Variants in GLG1 observed in about 807,000 individuals in gnomAD.
The protein encoded by GLG1 is golgi glycoprotein 1, also known as Golgi apparatus protein 1.
In GLG1, 38 loss-of-function variants were observed where a neutral mutation model predicts 160.5. That is an observed-to-expected ratio of 0.24 (90% CI 0.18 to 0.31). The LOEUF (loss-of-function observed/expected upper bound fraction) is 0.31. GLG1 is among the 10% of genes least tolerant of loss of function. GLG1 has a pLI of 1.00. For missense variants in GLG1, 1,373 were observed against 1,505.2 expected, an observed-to-expected ratio of 0.91 and a Z score of 1.45; for synonymous variants, 644 against 543.4, an observed-to-expected ratio of 1.19 and a Z score of -2.57.
intron 3 of GLG1, among the ~76,000 whole-genome samples, chr16:74,506,949 A>G (rs1174282025): frequency 6.6e-5 from 10 of 152,148 alleles, no homozygotes; most frequent in Non-Finnish European, 1.5e-4. Context: ...CAGTCACTCT[A>G]TTTTTTGACT....
intron 1 of GLG1, among the ~76,000 whole-genome samples, chr16:74,545,604 ATTTAGG>A (rs1251052484): frequency 6.6e-6 from 1 of 152,186 alleles, no homozygotes; most frequent in Non-Finnish European, 1.5e-5. Context: ...TTTGAATTTC[ATTTAGG>A]TTTTTGTTTC....
At chr16:74,472,198 C>A (rs1052203762) in intron 14 of GLG1, 151 bp downstream of exon 14, 1 of 612,618 alleles carries the variant, frequency 1.6e-6, no homozygotes, top group South Asian at 2.2e-5. Flanking sequence ...CCACACCCGG[C>A]CTGTTTACAT....
chr16:74,472,093 A>C (rs759946836), intron 14 of GLG1, among the ~76,000 whole-genome samples: 1 of 152,070 alleles, frequency 6.6e-6, no homozygotes, highest in Non-Finnish European at 1.5e-5. Context: ...TTTTGTAGAG[A>C]CAGAGTTTTG....
At chr16:74,500,000 C>T (rs2016349406) in intron 4 of GLG1, among the ~76,000 whole-genome samples, 1 of 152,122 alleles carries the variant, frequency 6.6e-6, no homozygotes. Context: ...GAGACTCCGT[C>T]TCAACAACAA....
chr16:74,600,556 AC>A (rs1958418010), intron 1 of GLG1, among the ~76,000 whole-genome samples: 2 of 151,312 alleles, frequency 1.3e-5, no homozygotes, highest in Non-Finnish European at 2.9e-5. Context: ...GTGTGGCGAA[AC>A]CCCCGTTTTA....
intron 4 of GLG1, among the ~76,000 whole-genome samples, chr16:74,498,385 T>C (rs1265128687): frequency 1.4e-4 from 19 of 132,166 alleles, no homozygotes; most frequent in South Asian, 7.6e-4. Flanking sequence ...GGAGCCGAGA[T>C]TGCACCACTG....
intron 10 of GLG1, among the ~76,000 whole-genome samples, chr16:74,482,447 G>A (rs1454787802): frequency 6.6e-6 from 1 of 152,146 alleles, no homozygotes. Context: ...GCGGAAAGAG[G>A]AGGGGAATGA....
chr16:74,532,158 A>G lies in GLG1; in HGVS notation c.439-5T>C, dbSNP rs192367831. 5.8e-4 allele frequency: 756 copies of G among 1,310,768 alleles called. 4 individuals are homozygous for G. The highest frequency in any genetic ancestry group is 3.7e-3 in the Middle Eastern group (19 of 5,148). 81.2% of individuals were successfully genotyped at this position (1,310,768 alleles called of 1,614,324 possible). On this transcript the variant is annotated splice_polypyrimidine_tract_variant and splice_region_variant and intron_variant, in intron 1 of 25. Transcript: ENST00000422840. ...TGAAGAAATTTCATTTTCAGGCTAG[A>G]AGAGAAAAAAAAGAAGAGATGATGT...
At chr16:74,500,272 T>A (rs948689728) in intron 4 of GLG1, among the ~76,000 whole-genome samples, 2 of 152,168 alleles carry the variant, frequency 1.3e-5, no homozygotes, top group African/African-American at 2.4e-5. Flanking sequence ...TTTAAAAAGT[T>A]ATTAATACAC....
intron 2 of GLG1, among the ~76,000 whole-genome samples, chr16:74,519,607 C>T (rs2017096544): frequency 1.3e-5 from 2 of 149,628 alleles, no homozygotes; most frequent in South Asian, 4.3e-4. Context: ...GTTTAATCTA[C>T]TTCCTCTTTT....
At chr16:74,501,110 G>T (rs1289872132) in intron 4 of GLG1, among the ~76,000 whole-genome samples, 2 of 152,314 alleles carry the variant, frequency 1.3e-5, no homozygotes, top group African/African-American at 2.4e-5. Flanking sequence ...AAGCTGCTTT[G>T]TTAATTTTCA....
intron 4 of GLG1, among the ~76,000 whole-genome samples, chr16:74,499,844 A>C (rs2016343116): frequency 6.6e-6 from 1 of 152,178 alleles, no homozygotes; most frequent in Admixed American, 6.5e-5. Flanking sequence ...TCTACTAAAA[A>C]TACAAAAAAT....
At position 74,452,371 on chromosome 16, in the gene GLG1, G is replaced by A. The variant is rs1187298240; in HGVS notation, c.*796C>T. The A allele has an allele frequency of 7.5e-7, 1 of 1,340,254 alleles. No homozygotes were observed. The highest frequency in any genetic ancestry group is 9.6e-7 in the Non-Finnish European group (1 of 1,040,126). 83.0% of individuals were successfully genotyped at this position (1,340,254 alleles called of 1,614,324 possible). On this transcript the variant is annotated 3_prime_UTR_variant, in exon 26 of 26. Transcript: ENST00000422840. ...GGGACTCAGGATCCAGCCTCTCAGT[G>A]CAGATGGATGGACTGTTCAACTTCA...
intron 1 of GLG1, among the ~76,000 whole-genome samples, chr16:74,568,511 G>A (rs1172441018): frequency 6.6e-6 from 1 of 150,850 alleles, no homozygotes; most frequent in Admixed American, 6.6e-5. Flanking sequence ...TCCGCCTCCC[G>A]GGTTCAAGCG....
In GLG1 at chr16:74,606,874, T is replaced by G. The variant is rs1389259156; in HGVS notation, c.221A>C (p.Gln74Pro). Residue 74 changes from glutamine (Q) to proline (P), a missense_variant, in exon 1 of 26, where the codon CAG (glutamine) becomes CCG (proline). Gln to Pro is a moderately conservative substitution (Grantham distance 76). Transcript: ENST00000422840. ...TTGCTGTTGCTGCTGCTGCTGTTGC[T>G]GCTGAAGCTGCGATGACTGAGGCAG... ...PQLPQSSQLQ[Q>P]QQQQQQQQQQ... 1.2e-6 allele frequency: 2 copies of G among 1,600,774 alleles called. No individual in the cohort carries two copies.
chr16:74,518,610 T>A (rs921973789), intron 2 of GLG1, among the ~76,000 whole-genome samples: 2 of 152,140 alleles, frequency 1.3e-5, no homozygotes, highest in African/African-American at 4.8e-5. Context: ...GAAGAAAACC[T>A]GGGCTGTATT....
At chr16:74,504,823 T>G (rs577155448) in intron 3 of GLG1, among the ~76,000 whole-genome samples, 2 of 152,196 alleles carry the variant, frequency 1.3e-5, no homozygotes, top group South Asian at 4.1e-4. Context: ...CATGGTGGTG[T>G]TCCTGCAAAG....
intron 9 of GLG1, among the ~76,000 whole-genome samples, chr16:74,484,534 G>A (rs999779039): frequency 4.0e-5 from 6 of 151,798 alleles, no homozygotes; most frequent in African/African-American, 1.2e-4. Flanking sequence ...AGGCCGAGGC[G>A]GGTGGGTCAT....
At chr16:74,479,633 A>G (rs1169457649) in intron 11 of GLG1, among the ~76,000 whole-genome samples, 1 of 152,080 alleles carries the variant, frequency 6.6e-6, no homozygotes, top group African/African-American at 2.4e-5. Context: ...TACCATCTCA[A>G]CTCTCCGGAA....
Sources: allele counts gnomAD v4.1 joint callset (sites outside exome capture counted in the v4.1 genomes callset), GRCh38; gene constraint gnomAD v4.1.1; transcripts MANE v1.5; gene names NCBI Gene and HGNC (gene_info 2026-07-23, HGNC 2026-07-21).